TEAD1: variants seen among roughly 807,000 people sequenced by gnomAD.
TEAD1 encodes the protein transcriptional enhancer factor TEF-1.
Under a neutral mutation model 54.9 loss-of-function variants are expected in TEAD1, and 9 were observed. The observed-to-expected ratio is 0.16, with a 90% CI of 0.10 to 0.29. The LOEUF (loss-of-function observed/expected upper bound fraction) is 0.29, where lower values mean the gene tolerates loss of function less well. Among genes scored for constraint, TEAD1 ranks in the 10% least tolerant of loss-of-function variants. TEAD1 has a pLI of 1.00. For synonymous variants in TEAD1, 200 were observed against 187.8 expected (o/e 1.07, Z -0.53); for missense variants, 387 against 535.9 (o/e 0.72, Z 2.74).
chr11:12,723,499 A>T (rs1944253656), intron 2 of TEAD1, among the ~76,000 whole-genome samples: 1 of 152,146 alleles, frequency 6.6e-6, no homozygotes, highest in Admixed American at 6.5e-5. Context: ...TTGTGGTTGG[A>T]TTAACTGTTC....
At chr11:12,700,242 T>C (rs1032632863) in intron 2 of TEAD1, among the ~76,000 whole-genome samples, 8 of 152,214 alleles carry the variant, frequency 5.3e-5, no homozygotes, top group African/African-American at 1.2e-4. Flanking sequence ...GTGCTACTTA[T>C]GGACAGGAAT....
intron 3 of TEAD1, among the ~76,000 whole-genome samples, chr11:12,837,705 C>T (rs1946926164): frequency 6.8e-6 from 1 of 146,106 alleles, no homozygotes; most frequent in African/African-American, 2.8e-5. Flanking sequence ...CTTCTCCCTT[C>T]TCCCTTCTCC....
intron 9 of TEAD1, among the ~76,000 whole-genome samples, chr11:12,895,667 T>C (rs1018926950): frequency 5.3e-5 from 8 of 152,218 alleles, no homozygotes; most frequent in African/African-American, 1.7e-4. Context: ...GTTTATTTAA[T>C]AAAATAATTG....
At chr11:12,818,665 G>A (rs1160594437) in intron 3 of TEAD1, among the ~76,000 whole-genome samples, 1 of 152,186 alleles carries the variant, frequency 6.6e-6, no homozygotes, top group Admixed American at 6.5e-5. Flanking sequence ...TGTCAGAGGA[G>A]GTTCAATATC....
chr11:12,752,040 A>G (rs1204232007), intron 2 of TEAD1, among the ~76,000 whole-genome samples: 1 of 152,196 alleles, frequency 6.6e-6, no homozygotes, highest in African/African-American at 2.4e-5. Context: ...AGCGTCTTCC[A>G]CATCCTTGCA....
chr11:12,825,643 A>G (rs746818950), intron 3 of TEAD1, among the ~76,000 whole-genome samples: 7 of 152,224 alleles, frequency 4.6e-5, no homozygotes, highest in Non-Finnish European at 8.8e-5. Flanking sequence ...TTTTAAAAAA[A>G]ATTGTCAAGC....
At chr11:12,863,185 A>G (rs984638298) in intron 4 of TEAD1, among the ~76,000 whole-genome samples, 1 of 152,222 alleles carries the variant, frequency 6.6e-6, no homozygotes, top group African/African-American at 2.4e-5. Flanking sequence ...TGAGCAGCAG[A>G]TTTCAGTTCT....
intron 3 of TEAD1, among the ~76,000 whole-genome samples, chr11:12,828,677 G>GTT (rs1946707189): frequency 2.3e-5 from 1 of 44,008 alleles, no homozygotes; most frequent in Non-Finnish European, 4.3e-5. Context: ...TTAACTGAGT[G>GTT]ATTTTTTTTT....
intron 2 of TEAD1, among the ~76,000 whole-genome samples, chr11:12,734,755 A>G (rs2133884155): frequency 1.3e-5 from 2 of 152,294 alleles, no homozygotes; most frequent in Non-Finnish European, 2.9e-5. Context: ...ACTGTACCAA[A>G]TAGCCTAGAT....
chr11:12,728,184 C>T (rs1342652804), intron 2 of TEAD1, among the ~76,000 whole-genome samples: 5 of 152,132 alleles, frequency 3.3e-5, no homozygotes, highest in Admixed American at 6.5e-5. Context: ...TAAAGGATGA[C>T]TGAGTTAAAG....
At chr11:12,713,756 A>G (rs1943992363) in intron 2 of TEAD1, among the ~76,000 whole-genome samples, 1 of 152,216 alleles carries the variant, frequency 6.6e-6, no homozygotes, top group Non-Finnish European at 1.5e-5. Context: ...CAGTGACCTC[A>G]TAGGACCTGG....
At chr11:12,914,287 G>T (rs2134146845) in intron 10 of TEAD1, among the ~76,000 whole-genome samples, 1 of 152,228 alleles carries the variant, frequency 6.6e-6, no homozygotes, top group Admixed American at 6.5e-5. Context: ...CACAATAAAG[G>T]GGCCCTTGGT....
intron 3 of TEAD1, among the ~76,000 whole-genome samples, chr11:12,847,737 T>C (rs1947185452): frequency 6.6e-6 from 1 of 152,174 alleles, no homozygotes; most frequent in Non-Finnish European, 1.5e-5. Flanking sequence ...GGCCAGGTTG[T>C]TCTTGAACTC....
At position 12,894,010 on chromosome 11, in the gene TEAD1, G is replaced by C. The variant is rs1031931577; in HGVS notation, c.700-7930G>C. 2.0e-5 allele frequency among the ~76,000 whole-genome samples: 3 copies of C among 152,320 alleles called. No homozygotes were observed. The East Asian group carries it at 5.8e-4, about 30-fold the overall frequency. ...CCGCAGGCTGCCCAGCCTGCCCTGG[G>C]GGGTAGGTGGACAGACATTCCAGGC... On this transcript the variant is annotated intron_variant, in intron 9 of 12. Coordinates refer to ENST00000527636, the MANE Select transcript of TEAD1 (RefSeq NM_021961.6).
rs1347511432 is a variant in TEAD1, at chr11:12,883,067, C to T, written c.641C>T (p.Thr214Ile). The T allele has an allele frequency of 1.2e-6, 2 of 1,614,212 alleles. No homozygotes were observed. The highest frequency in any genetic ancestry group is 1.1e-5 in the South Asian group (1 of 91,086). The change falls in exon 9 of 13, where the codon ACC (threonine) becomes ATC (isoleucine). Residue 214 changes from threonine to isoleucine, a missense_variant. Coordinates refer to ENST00000527636, the MANE Select transcript of TEAD1 (RefSeq NM_021961.6). Reference sequence around the variant, plus strand: ...TGGCAAGGTCGCTCCATTGGCACAACCAAGCTTCGCCTGGTGGAATTTTCA... The same window carrying T: ...TGGCAAGGTCGCTCCATTGGCACAATCAAGCTTCGCCTGGTGGAATTTTCA...
intron 3 of TEAD1, among the ~76,000 whole-genome samples, chr11:12,857,275 TTG>T (rs760488408): frequency 2.0e-5 from 3 of 152,092 alleles, no homozygotes; most frequent in Non-Finnish European, 4.4e-5. Flanking sequence ...ACAGGTCAGG[TTG>T]TGTTTGTCCT....
chr11:12,796,315 C>T (rs1475400377), intron 3 of TEAD1, among the ~76,000 whole-genome samples: 1 of 152,068 alleles, frequency 6.6e-6, no homozygotes, highest in Non-Finnish European at 1.5e-5. Context: ...ATAACAAAAA[C>T]CATAGGAAAT....
chr11:12,878,323 T>C (rs1589951678), intron 5 of TEAD1, among the ~76,000 whole-genome samples: 1 of 152,212 alleles, frequency 6.6e-6, no homozygotes, highest in African/African-American at 2.4e-5. Flanking sequence ...TGTGTTTTTT[T>C]CATCACCTTT....
chr11:12,758,753 G>T (rs1056295156), intron 2 of TEAD1, among the ~76,000 whole-genome samples: 7 of 151,922 alleles, frequency 4.6e-5, no homozygotes. Context: ...ATGTTGGCCA[G>T]GCTGGTCTCA....
Sources: allele counts gnomAD v4.1 joint callset (sites outside exome capture counted in the v4.1 genomes callset), GRCh38; gene constraint gnomAD v4.1.1; transcripts MANE v1.5; gene names NCBI Gene and HGNC (gene_info 2026-07-23, HGNC 2026-07-21).